Variants in ZNF446 observed in about 807,000 individuals in gnomAD.
The protein encoded by ZNF446 is zinc finger protein with KRAB and SCAN domains 20.
A neutral mutation model predicts 34.0 loss-of-function variants in ZNF446; 42 were observed. The ratio of observed to expected loss-of-function variants is 1.23; its 90% CI spans 0.96 to 1.60. The LOEUF (loss-of-function observed/expected upper bound fraction) is 1.60, where lower values mean the gene tolerates loss of function less well. ZNF446 is among the 40% of genes most tolerant of loss of function. ZNF446 has a pLI of 0.00. For synonymous variants in ZNF446, 315 were observed against 251.0 expected (o/e 1.25, Z -2.41); for missense variants, 650 against 600.2 (o/e 1.08, Z -0.87).
In ZNF446 at chr19:58,480,234, G is replaced by A. The variant is rs778186987; in HGVS notation, c.861G>A (p.Gly287=). ...AGGCCCAGCCGCCCCAGGGCCCAGG[G>A]CCGGCAGCCTGGGAGGGCTTGTCTG... ...CPEAQPPQGP[G]PAAWEGLSGA... Residue 287 remains glycine (G), a synonymous_variant, in exon 7 of 7, where the codon GGG becomes GGA. Coordinates refer to ENST00000594369, the MANE Select transcript of ZNF446 (RefSeq NM_017908.4). This position sits in a 1 kb window ranked among gnomAD's most constrained non-coding sequence, Gnocchi z 7.2. 6.3e-7 allele frequency: 1 copy of A among 1,591,604 alleles called. No individual in the cohort carries two copies. The highest frequency in any genetic ancestry group is 8.5e-7 in the Non-Finnish European group (1 of 1,174,826).
At position 58,480,843 on chromosome 19, in the gene ZNF446, C is replaced by T; in HGVS notation, c.*117C>T. On this transcript the variant is annotated 3_prime_UTR_variant, in exon 7 of 7. Transcript: ENST00000594369. The surrounding 1 kb of genome is among the most constrained non-coding windows in gnomAD (Gnocchi z 7.2). ...GGGGATGCCAGAGTGAACAAGGGGT[C>T]CCAAGCCAGTTCCCTGCCCCTGGTC... 2 of 1,263,884 alleles carry T rather than the reference C, an allele frequency of 1.6e-6. No individual in the cohort carries two copies. The highest frequency in any genetic ancestry group is 1.1e-6 in the Non-Finnish European group (1 of 923,752). 78.3% of individuals were successfully genotyped at this position (1,263,884 alleles called of 1,614,324 possible).
the ZNF446 span, among the ~76,000 whole-genome samples, chr19:58,486,351 C>T: frequency 6.6e-6 from 1 of 152,012 alleles, no homozygotes; most frequent in African/African-American, 2.4e-5. Context: ...TCCCAAAGTG[C>T]TGGGATTGCA....
At chr19:58,483,537 G>C (rs1241801385), downstream of ZNF446, 2 of 152,070 alleles carry the variant, frequency 1.3e-5, no homozygotes, top group African/African-American at 4.8e-5. Context: ...CATACCTGTA[G>C]TCCCAGGGAG....
rs760541743 is a variant in ZNF446 at position 58,477,422 on chromosome 19, G to A, written c.204G>A (p.Met68Ile). The change falls in exon 2 of 7, where the codon ATG (methionine) becomes ATA (isoleucine). Residue 68 changes from methionine (M) to isoleucine (I), a missense_variant. Physicochemically the swap from Met to Ile is conservative, Grantham distance 10. Transcript: ENST00000594369. ...EAHSKEQMLE[M>I]LVLEQFLGTL... is the part of the protein sequence containing the mutation. ...ACTCCAAGGAGCAGATGCTGGAGAT[G>A]CTGGTGCTGGAGCAGTTCCTGGGCA... 5.0e-6 allele frequency: 8 copies of A among 1,613,416 alleles called. No homozygotes were observed. The highest frequency in any genetic ancestry group is 3.3e-5 in the South Asian group (3 of 91,082).
the ZNF446 span, among the ~76,000 whole-genome samples, chr19:58,487,317 T>C: frequency 4.6e-5 from 7 of 152,134 alleles, no homozygotes; most frequent in Non-Finnish European, 8.8e-5. Context: ...GGTGAAACCA[T>C]AGGTCACTGC....
At chr19:58,482,136 A>C (rs1172240137), downstream of ZNF446, among the ~76,000 whole-genome samples, 3 of 152,110 alleles carry the variant, frequency 2.0e-5, no homozygotes, top group Non-Finnish European at 4.4e-5. Context: ...TGAAGGCTCT[A>C]GGAGAGAATA....
downstream of ZNF446, chr19:58,483,566 CTT>C (rs1410411814): frequency 6.6e-6 from 1 of 152,082 alleles, no homozygotes; most frequent in African/African-American, 2.4e-5. Flanking sequence ...GGGAGAATCA[CTT>C]GAGCCCAGGA....
Position 58,477,516 on chromosome 19 carries a change from C to CT in ZNF446, c.299dup (p.Val101SerfsTer7). On this transcript the variant is annotated frameshift_variant, in exon 2 of 7. Coordinates refer to ENST00000594369, the MANE Select transcript of ZNF446 (RefSeq NM_017908.4). LOFTEE classifies it high-confidence loss of function. The stretch of plus-strand genomic sequence containing the variant: ...AGGCAGTCCTGAGGAGGCCGCTGCC[C>CT]TAGTCGAAGGACTGCAGCATGACCC... The CT allele has an allele frequency of 6.2e-7, 1 of 1,612,968 alleles. No individual in the cohort carries two copies. Among genetic ancestry groups the CT allele is most frequent in the South Asian group, 1.1e-5 (1 of 91,018 alleles).
chr19:58,480,917 T>C lies in ZNF446; in HGVS notation c.*191T>C. The C allele has an allele frequency of 5.8e-6, 4 of 685,200 alleles. No individual in the cohort carries two copies. The South Asian group carries it at 6.1e-5, about 10-fold the overall frequency. The allele number at this position is 685,200 out of a possible 1,614,324, so 42.4% of individuals were successfully genotyped here. A position where few individuals can be genotyped will look rare whatever the true frequency, so the allele number is the denominator to read the frequency against. On this transcript the variant is annotated 3_prime_UTR_variant, in exon 7 of 7. Coordinates refer to ENST00000594369, the MANE Select transcript of ZNF446 (RefSeq NM_017908.4). This position sits in a 1 kb window ranked among gnomAD's most constrained non-coding sequence, Gnocchi z 7.2. ...TGCAAGGAAAAGGAGCTGCTCTCTC[T>C]CTTCTTGCCCCTGCCTCCTAGAGGG...
the ZNF446 span, among the ~76,000 whole-genome samples, chr19:58,486,947 T>C: frequency 1.1e-3 from 166 of 150,796 alleles, no homozygotes; most frequent in African/African-American, 3.4e-3. Flanking sequence ...GGACTACAGG[T>C]GCCCGCCACC....
Position 58,480,249 on chromosome 19 carries a change from G to T in ZNF446, c.876G>T (p.Glu292Asp). The part of the protein sequence containing the change: ...PPQGPGPAAW[E>D]GLSGAATPAP... ...AGGGCCCAGGGCCGGCAGCCTGGGA[G>T]GGCTTGTCTGGGGCTGCCACTCCTG... The change falls in exon 7 of 7, where the codon GAG becomes GAT. Residue 292 changes from glutamate to aspartate, a missense_variant. Coordinates refer to ENST00000594369, the MANE Select transcript of ZNF446 (RefSeq NM_017908.4). This position sits in a 1 kb window ranked among gnomAD's most constrained non-coding sequence, Gnocchi z 7.2. 1 of 1,581,602 alleles carries T rather than the reference G, an allele frequency of 6.3e-7. No individual in the cohort carries two copies.
At chr19:58,482,868 T>C (rs994269813), downstream of ZNF446, among the ~76,000 whole-genome samples, 3 of 151,600 alleles carry the variant, frequency 2.0e-5, no homozygotes, top group African/African-American at 7.3e-5. Context: ...GAAGGGAGAG[T>C]CAGGGTATAG....
downstream of ZNF446, among the ~76,000 whole-genome samples, chr19:58,484,283 A>AAG: frequency 6.7e-6 from 1 of 150,184 alleles, no homozygotes; most frequent in East Asian, 1.9e-4. Flanking sequence ...AAAAAAAAAA[A>AAG]AAAAAAAAAA....
At chr19:58,478,252 C>T (rs2053107161) in intron 4 of ZNF446, 71 bp downstream of exon 4, 1 of 1,451,410 alleles carries the variant, frequency 6.9e-7, no homozygotes, top group Non-Finnish European at 9.4e-7. Flanking sequence ...TGCCCTCTGC[C>T]TGGTGGTTTT....
downstream of ZNF446, among the ~76,000 whole-genome samples, chr19:58,484,410 G>A (rs1259571231): frequency 6.7e-6 from 1 of 150,026 alleles, no homozygotes; most frequent in African/African-American, 2.5e-5. Context: ...AGGCTACAGT[G>A]AGCCAAGATC....
In ZNF446 at chr19:58,477,779, T is replaced by C; in HGVS notation, c.485T>C (p.Leu162Pro). 6.2e-7 allele frequency: 1 copy of C among 1,600,468 alleles called. No homozygotes were observed. Among genetic ancestry groups the C allele is most frequent in the Non-Finnish European group, 8.5e-7 (1 of 1,174,568 alleles). ...QDTRIEGSVQ[L>P]SCSVKEEPNV... Reference sequence around the variant, plus strand: ...ACCAGAATAGAGGGGTCTGTCCAGCTCAGCTGCAGTGTGAAGGAGGAGCCC... The same window carrying C: ...ACCAGAATAGAGGGGTCTGTCCAGCCCAGCTGCAGTGTGAAGGAGGAGCCC... Residue 162 changes from leucine (L) to proline (P), a missense_variant, in exon 3 of 7, where the codon CTC (leucine) becomes CCC (proline). Transcript: ENST00000594369.
intron 1 of ZNF446, 58 bp from the exon 2 acceptor site, chr19:58,477,121 T>C (rs2053093308): frequency 2.7e-6 from 3 of 1,114,970 alleles, no homozygotes; most frequent in South Asian, 1.5e-5. Context: ...GAGCCTGGTG[T>C]CTGCCTTCCC....
chr19:58,478,216 G>A (rs375347224), intron 4 of ZNF446, 35 bp downstream of exon 4: 308 of 1,596,540 alleles, frequency 1.9e-4, no homozygotes, highest in Non-Finnish European at 2.3e-4. Flanking sequence ...TAGGCCCCAG[G>A]TGTGAGAAGG....
chr19:58,486,988 G>C, the ZNF446 span, among the ~76,000 whole-genome samples: 1 of 116,850 alleles, frequency 8.6e-6, no homozygotes, highest in East Asian at 2.5e-4. Flanking sequence ...TTTTAGTAGA[G>C]ACGGGGTTTC....
Sources: gnomAD v4.1 joint callset for allele counts (sites outside exome capture counted in the v4.1 genomes callset) on GRCh38, gnomAD v4.1.1 for gene constraint, Gnocchi (gnomAD v3.1) non-coding constraint, MANE v1.5 for transcripts, NCBI Gene and HGNC (gene_info 2026-07-23, HGNC 2026-07-21) for gene names.